Variants in FBXW4 observed in about 807,000 individuals in gnomAD.
FBXW4 encodes F-box and WD repeat domain containing 4.
A neutral mutation model predicts 61.8 loss-of-function variants in FBXW4; 40 were observed. The observed-to-expected ratio is 0.65, with a 90% CI of 0.50 to 0.84. FBXW4 has a LOEUF of 0.84. Ranked by LOEUF, FBXW4 falls within the 40% of genes least tolerant of loss-of-function variation. The pLI, the probability that FBXW4 is intolerant of heterozygous loss-of-function variation, is 0.00. For missense variants in FBXW4, 672 were observed against 753.8 expected (o/e 0.89, Z 1.27); for synonymous variants, 311 against 313.8 (o/e 0.99, Z 0.10).
intron 5 of FBXW4, among the ~76,000 whole-genome samples, chr10:101,637,391 CAAA>C (rs908050683): frequency 6.7e-5 from 1 of 14,852 alleles, no homozygotes; most frequent in Non-Finnish European, 1.3e-4. Context: ...GACTCCGTCT[CAAA>C]AAAAAAAAAA....
intron 4 of FBXW4, 44 bp downstream of exon 4, chr10:101,672,871 T>C (rs1177919770): frequency 5.0e-6 from 8 of 1,601,476 alleles, no homozygotes; most frequent in Admixed American, 1.7e-5. Flanking sequence ...CCCCTCCCTA[T>C]AGACAGGAGG....
At chr10:101,679,074 T>C (rs1307722086) in intron 1 of FBXW4, among the ~76,000 whole-genome samples, 1 of 152,232 alleles carries the variant, frequency 6.6e-6, no homozygotes, top group Non-Finnish European at 1.5e-5. Context: ...GAGGCAACTA[T>C]GTATTCACTG....
intron 6 of FBXW4, chr10:101,613,242 C>T (rs905340897): frequency 6.6e-6 from 1 of 152,274 alleles, no homozygotes; most frequent in Non-Finnish European, 1.5e-5. Flanking sequence ...TGGGCAGACC[C>T]TTTGCCCTGA....
Position 101,694,766 on chromosome 10 carries a change from C to T in FBXW4, c.340G>A (p.Gly114Arg), listed in dbSNP as rs932796263. ...TCCTCCTTCTTCCCATACTCTCTTC[C>T]TTGTGCCTCCTTCCCGGCCCCTGCG... ...GSAGAGKEAQ[G>R]REYGKKEEWR... The change falls in exon 1 of 9, where the codon GGA becomes AGA. Residue 114 changes from glycine (G) to arginine (R), a missense_variant. Gly to Arg is a moderately radical substitution (Grantham distance 125, BLOSUM62 -2). Transcript: ENST00000331272. The surrounding 1 kb of genome is among the most constrained non-coding windows in gnomAD (Gnocchi z 6.0). The T allele has an allele frequency of 1.5e-6, 2 of 1,351,192 alleles. No individual in the cohort carries two copies. Among genetic ancestry groups the T allele is most frequent in the African/African-American group, 1.5e-5 (1 of 64,962 alleles). 83.7% of individuals were successfully genotyped at this position (1,351,192 alleles called of 1,614,324 possible).
At chr10:101,652,485 T>G (rs2064153019) in intron 5 of FBXW4, among the ~76,000 whole-genome samples, 1 of 151,936 alleles carries the variant, frequency 6.6e-6, no homozygotes, top group East Asian at 1.9e-4. Flanking sequence ...CCTGGTTTTG[T>G]GAGCTGAGGG....
chr10:101,686,348 A>G (rs1004176558), intron 1 of FBXW4, among the ~76,000 whole-genome samples: 2 of 152,182 alleles, frequency 1.3e-5, no homozygotes, highest in Non-Finnish European at 2.9e-5. Context: ...GTGATCCCCA[A>G]GAGAGGGAAT....
chr10:101,611,758 A>T lies in FBXW4; in HGVS notation c.1454T>A (p.Met485Lys), dbSNP rs762988460. The change falls in exon 8 of 9, where the codon ATG becomes AAG. Residue 485 changes from methionine (M) to lysine (K), a missense_variant. Around this residue, in one of 5 missense-constraint regions of FBXW4, gnomAD observed 312 missense variants for 370.1 expected, o/e 0.84. Coordinates refer to ENST00000331272, the MANE Select transcript of FBXW4 (RefSeq NM_022039.4). This position sits in a 1 kb window ranked among gnomAD's most constrained non-coding sequence, Gnocchi z 4.9. ...DLRTSVRKCVMEWEEPHDSTL... is the reference protein window; with the variant it reads ...DLRTSVRKCVKEWEEPHDSTL... ...GCTGTCGTGGGGCTCCTCCCACTCCATGACACATTTCCTGTCCAGGAAGAG... is the reference window on the plus strand; with the variant it reads ...GCTGTCGTGGGGCTCCTCCCACTCCTTGACACATTTCCTGTCCAGGAAGAG... The T allele has an allele frequency of 2.5e-6, 4 of 1,613,672 alleles. No individual in the cohort carries two copies. The highest frequency in any genetic ancestry group is 3.4e-6 in the Non-Finnish European group (4 of 1,179,850).
At chr10:101,664,436 C>A (rs2064277017) in intron 5 of FBXW4, among the ~76,000 whole-genome samples, 1 of 152,168 alleles carries the variant, frequency 6.6e-6, no homozygotes, top group African/African-American at 2.4e-5. Context: ...TGCCCTAGGG[C>A]CAGTACACTG....
intron 5 of FBXW4, among the ~76,000 whole-genome samples, chr10:101,638,871 A>G (rs1010279026): frequency 1.3e-5 from 2 of 152,238 alleles, no homozygotes; most frequent in African/African-American, 4.8e-5. Flanking sequence ...CAGCTCTGAC[A>G]GTGCTTTCCC....
At position 101,676,414 on chromosome 10, in the gene FBXW4, C is replaced by T. The variant is rs569273181; in HGVS notation, c.748G>A (p.Glu250Lys). 42 of 1,613,556 alleles carry T rather than the reference C, an allele frequency of 2.6e-5. 1 individual carries two copies. In the South Asian group the frequency reaches 4.2e-4, roughly 16 times the overall value. The change falls in exon 2 of 9, where the codon GAA (glutamate) becomes AAA (lysine). Residue 250 changes from glutamate (E) to lysine (K), a missense_variant. Transcript: ENST00000331272. Reference sequence around the variant, plus strand: ...CAGTTCTGAGACACCTTCACTCGTTCCTTCACTGGGACACTGGTCATCCTA... The same window carrying T: ...CAGTTCTGAGACACCTTCACTCGTTTCTTCACTGGGACACTGGTCATCCTA... ...TDLMTSVPVKERVKVSQNWRL... is the reference protein window; with the variant it reads ...TDLMTSVPVKKRVKVSQNWRL...
intron 5 of FBXW4, among the ~76,000 whole-genome samples, chr10:101,627,066 T>TA (rs1260535775): frequency 1.3e-5 from 2 of 148,564 alleles, no homozygotes; most frequent in Admixed American, 6.7e-5. Context: ...TTTTTTTTTT[T>TA]AAATAGAGAC....
At chr10:101,687,590 T>G (rs868581231) in intron 1 of FBXW4, among the ~76,000 whole-genome samples, 3 of 152,194 alleles carry the variant, frequency 2.0e-5, no homozygotes, top group African/African-American at 7.2e-5. Flanking sequence ...TATTTCTTAT[T>G]TGTTTAATCT....
At position 101,611,403 on chromosome 10, in the gene FBXW4, G is replaced by A. The variant is rs758359860; in HGVS notation, c.1592C>T (p.Pro531Leu). The A allele has an allele frequency of 6.2e-6, 10 of 1,613,268 alleles. No individual in the cohort carries two copies. The highest frequency in any genetic ancestry group is 3.3e-5 in the Admixed American group (2 of 59,930). The change falls in exon 9 of 9, where the codon CCG becomes CTG. Residue 531 changes from proline to leucine, a missense_variant. Pro to Leu is a moderately conservative substitution (Grantham distance 98). Transcript: ENST00000331272. This position sits in a 1 kb window ranked among gnomAD's most constrained non-coding sequence, Gnocchi z 4.9. ...GCTGCTGAGGGGAGTCGACGTCAGCGGGAAGGCCTGGAAGGGAGGGCACAG... is the reference window on the plus strand; with the variant it reads ...GCTGCTGAGGGGAGTCGACGTCAGCAGGAAGGCCTGGAAGGGAGGGCACAG... ...RRQRACLHAF[P>L]LTSTPLSSPV...
chr10:101,685,860 C>T (rs2064528496), intron 1 of FBXW4, among the ~76,000 whole-genome samples: 1 of 152,174 alleles, frequency 6.6e-6, no homozygotes, highest in South Asian at 2.1e-4. Context: ...TTTCCAAAAA[C>T]ATGGTCCTCC....
intron 4 of FBXW4, 73 bp from the exon 5 acceptor site, chr10:101,668,053 G>C: frequency 8.7e-6 from 10 of 1,149,902 alleles, no homozygotes; most frequent in South Asian, 1.2e-5. Flanking sequence ...CTCCGGGAGA[G>C]GTGACTGTTG....
intron 5 of FBXW4, among the ~76,000 whole-genome samples, chr10:101,650,981 C>T (rs575629547): frequency 3.2e-4 from 48 of 152,360 alleles, no homozygotes; most frequent in African/African-American, 1.2e-3. Flanking sequence ...CGGCAAATCT[C>T]CCGCCTGGGC....
intron 2 of FBXW4, among the ~76,000 whole-genome samples, chr10:101,674,529 T>A (rs2134896598): frequency 6.6e-6 from 1 of 152,256 alleles, no homozygotes; most frequent in Middle Eastern, 3.4e-3. Flanking sequence ...CCTTATTCTG[T>A]TAGAGCTAAG....
chr10:101,672,849 G>GTGGATA, intron 4 of FBXW4, 66 bp downstream of exon 4: 2 of 1,561,896 alleles, frequency 1.3e-6, no homozygotes, highest in Non-Finnish European at 1.7e-6. Context: ...TGAGACTCAG[G>GTGGATA]GATCTATCCA....
chr10:101,665,475 C>T (rs954911122), intron 5 of FBXW4, among the ~76,000 whole-genome samples: 22 of 152,028 alleles, frequency 1.4e-4, no homozygotes, highest in Middle Eastern at 6.8e-3. Flanking sequence ...ACAGGAAGAC[C>T]CTGAAGATGA....
Sources: allele counts gnomAD v4.1 joint callset (sites outside exome capture counted in the v4.1 genomes callset), GRCh38; gene constraint gnomAD v4.1.1; regional missense constraint gnomAD v4.1.1; non-coding constraint Gnocchi (gnomAD v3.1); transcripts MANE v1.5; gene names NCBI Gene and HGNC (gene_info 2026-07-23, HGNC 2026-07-21).